Variants in PDS5A observed in about 807,000 individuals in gnomAD.
PDS5A encodes sister chromatid cohesion protein PDS5 homolog A.
A neutral mutation model predicts 167.1 loss-of-function variants in PDS5A; 42 were observed. That is an observed-to-expected ratio of 0.25 (90% CI 0.20 to 0.33). The LOEUF is 0.33. Ranked by LOEUF, PDS5A falls within the 10% of genes least tolerant of loss-of-function variation. The probability of loss-of-function intolerance (pLI) is 1.00; values close to 1 mark genes in which losing one functional copy is unlikely to be tolerated. For missense variants in PDS5A, 1,033 were observed against 1,605.9 expected (o/e 0.64, Z 6.10); for synonymous variants, 553 against 554.6 (o/e 1.00, Z 0.04).
intron 19 of PDS5A, 85 bp downstream of exon 19, chr4:39,876,908 T>G (rs1720505074): frequency 9.8e-7 from 1 of 1,024,892 alleles, no homozygotes; most frequent in African/African-American, 1.6e-5. Context: ...CCCTCCTATC[T>G]TCCTACACAG....
intron 11 of PDS5A, among the ~76,000 whole-genome samples, chr4:39,907,381 A>C (rs1261028294): frequency 2.6e-5 from 4 of 152,162 alleles, no homozygotes; most frequent in Non-Finnish European, 5.9e-5. Context: ...CTACCCTGAA[A>C]TTATAATACT....
intron 23 of PDS5A, among the ~76,000 whole-genome samples, chr4:39,865,416 G>A (rs1006791327): frequency 3.9e-5 from 6 of 152,138 alleles, no homozygotes; most frequent in Non-Finnish European, 7.4e-5. Context: ...AAAATAGAGC[G>A]TAGTGGTGCA....
At chr4:39,858,775 C>G (rs948093363) in intron 26 of PDS5A, among the ~76,000 whole-genome samples, 6 of 152,162 alleles carry the variant, frequency 3.9e-5, no homozygotes, top group Non-Finnish European at 8.8e-5. Flanking sequence ...AGGCGCCCTC[C>G]ACAACGCGTG....
At chr4:39,943,158 ACACACACACACG>A (rs1181737488) in intron 2 of PDS5A, among the ~76,000 whole-genome samples, 18 of 135,758 alleles carry the variant, frequency 1.3e-4, no homozygotes, top group Admixed American at 3.7e-4. Flanking sequence ...ACACACACAC[ACACACACACACG>A]CACGCACACA....
chr4:39,869,869 G>A (rs181159726), intron 21 of PDS5A, among the ~76,000 whole-genome samples: 110 of 152,298 alleles, frequency 7.2e-4, no homozygotes, highest in African/African-American at 2.6e-3. Flanking sequence ...CACTATGGGG[G>A]GATGAGGCAG....
chr4:39,862,557 T>C (rs1719087017), intron 25 of PDS5A, among the ~76,000 whole-genome samples: 1 of 152,178 alleles, frequency 6.6e-6, no homozygotes, highest in Non-Finnish European at 1.5e-5. Flanking sequence ...AGGTATCAGA[T>C]ATTAAACCCA....
intron 32 of PDS5A, among the ~76,000 whole-genome samples, chr4:39,827,883 T>C (rs544394047): frequency 4.6e-4 from 70 of 152,360 alleles, no homozygotes; most frequent in East Asian, 9.6e-4. Context: ...AATTTGGCCT[T>C]AAGTGTAAGC....
At chr4:39,899,036 G>A (rs369135257) in intron 14 of PDS5A, among the ~76,000 whole-genome samples, 4 of 152,228 alleles carry the variant, frequency 2.6e-5, no homozygotes, top group African/African-American at 9.6e-5. Flanking sequence ...CAAATAGAAG[G>A]AAAGGAGATG....
intron 2 of PDS5A, among the ~76,000 whole-genome samples, chr4:39,959,051 C>G (rs1214006396): frequency 6.6e-6 from 1 of 152,188 alleles, no homozygotes; most frequent in East Asian, 1.9e-4. Flanking sequence ...CTATGAATTT[C>G]TTGACAATCA....
intron 2 of PDS5A, among the ~76,000 whole-genome samples, chr4:39,975,106 CAAAAAAAAA>C (rs57418654): frequency 1.2e-5 from 1 of 85,246 alleles, no homozygotes; most frequent in Non-Finnish European, 2.3e-5. Flanking sequence ...GACTCCGTCT[CAAAAAAAAA>C]AAAAAAAAAA....
Position 39,911,659 on chromosome 4 carries a change from T to C in PDS5A, c.993-1321A>G, listed in dbSNP as rs553261057. On this transcript the variant is annotated intron_variant, in intron 9 of 32. Transcript: ENST00000303538. ...CATCCTGGCTAACACGGTGAAACCC[T>C]GTCTCTACTAAAAATACAAAAAATT... Among the ~76,000 whole-genome samples, 44 of 151,964 alleles carry C rather than the reference T, an allele frequency of 2.9e-4. 1 individual carries two copies. The South Asian group carries it at 7.7e-3, about 27-fold the overall frequency.
intron 17 of PDS5A, among the ~76,000 whole-genome samples, chr4:39,887,987 C>A (rs1232849851): frequency 3.3e-5 from 5 of 152,150 alleles, no homozygotes; most frequent in African/African-American, 1.2e-4. Context: ...TGCAGTGGCT[C>A]ACGCCTGTAA....
At chr4:39,879,002 A>T (rs965640721) in intron 18 of PDS5A, among the ~76,000 whole-genome samples, 1 of 152,202 alleles carries the variant, frequency 6.6e-6, no homozygotes, top group Non-Finnish European at 1.5e-5. Context: ...TCGGCCTCCC[A>T]AAGTGCTGGG....
chr4:39,861,999 T>C (rs957863778), intron 26 of PDS5A, among the ~76,000 whole-genome samples: 3 of 152,152 alleles, frequency 2.0e-5, no homozygotes, highest in Non-Finnish European at 4.4e-5. Context: ...AAGACTTAGA[T>C]AGCTTAACTA....
At chr4:39,951,209 A>C (rs1728319240) in intron 2 of PDS5A, among the ~76,000 whole-genome samples, 1 of 152,152 alleles carries the variant, frequency 6.6e-6, no homozygotes, top group Admixed American at 6.6e-5. Context: ...CTGCCTCTTA[A>C]TGGATAGGTA....
chr4:39,893,164 G>C (rs1295839279), intron 16 of PDS5A, among the ~76,000 whole-genome samples: 1 of 152,088 alleles, frequency 6.6e-6, no homozygotes, highest in Non-Finnish European at 1.5e-5. Context: ...ATGGGGAGGG[G>C]GGCAATGGAG....
chr4:39,855,358 AATC>A, intron 26 of PDS5A, among the ~76,000 whole-genome samples: 1 of 152,234 alleles, frequency 6.6e-6, no homozygotes, highest in Non-Finnish European at 1.5e-5. Context: ...AACCAAAAGC[AATC>A]TAGAAAGAGA....
At chr4:39,914,820 T>TA (rs1724208720) in intron 8 of PDS5A, among the ~76,000 whole-genome samples, 2 of 152,118 alleles carry the variant, frequency 1.3e-5, no homozygotes, top group Non-Finnish European at 2.9e-5. Flanking sequence ...TGTTCAAATA[T>TA]AATATGTGCC....
chr4:39,854,162 G>C (rs1242326083), intron 26 of PDS5A, among the ~76,000 whole-genome samples: 1 of 152,090 alleles, frequency 6.6e-6, no homozygotes, highest in African/African-American at 2.4e-5. Context: ...AATTAGCTGG[G>C]CATCGTGGTG....
Sources: gnomAD v4.1 joint callset for allele counts (sites outside exome capture counted in the v4.1 genomes callset) on GRCh38, gnomAD v4.1.1 for gene constraint, MANE v1.5 for transcripts, NCBI Gene and HGNC (gene_info 2026-07-23, HGNC 2026-07-21) for gene names.